Variants in STXBP5L observed in about 807,000 individuals in gnomAD.
The protein encoded by STXBP5L is syntaxin-binding protein 5-like.
In STXBP5L, 65 loss-of-function variants were observed where a neutral mutation model predicts 144.5. The observed-to-expected ratio is 0.45, with a 90% confidence interval of 0.37 to 0.55. The LOEUF (loss-of-function observed/expected upper bound fraction) is 0.55. Among genes scored for constraint, STXBP5L ranks in the 20% least tolerant of loss-of-function variants. The pLI is 0.00. For missense variants in STXBP5L, 1,298 were observed against 1,405.5 expected (o/e 0.92, Z 1.22); for synonymous variants, 505 against 469.6 (o/e 1.08, Z -0.97).
chr3:120,922,876 A>G (rs1162213909), intron 2 of STXBP5L, among the ~76,000 whole-genome samples: 1 of 151,748 alleles, frequency 6.6e-6, no homozygotes, highest in Non-Finnish European at 1.5e-5. Flanking sequence ...GTCTCATAGG[A>G]TAAGTTTGGA....
intron 11 of STXBP5L, among the ~76,000 whole-genome samples, chr3:121,228,040 C>T (rs1359849724): frequency 6.6e-6 from 1 of 152,078 alleles, no homozygotes; most frequent in East Asian, 1.9e-4. Context: ...CTGGAGAGAC[C>T]TGCCAAAGAT....
intron 3 of STXBP5L, among the ~76,000 whole-genome samples, chr3:121,034,521 T>A (rs1448481991): frequency 6.6e-6 from 1 of 151,626 alleles, no homozygotes; most frequent in Non-Finnish European, 1.5e-5. Flanking sequence ...TGTACCTATA[T>A]CATCTATCTA....
At chr3:120,929,589 G>A (rs1339713553) in intron 2 of STXBP5L, among the ~76,000 whole-genome samples, 4 of 151,586 alleles carry the variant, frequency 2.6e-5, no homozygotes, top group East Asian at 1.9e-4. Flanking sequence ...ATGCTTTTAC[G>A]AACATCTGTG....
At chr3:121,256,229 A>C (rs1048816698) in intron 16 of STXBP5L, among the ~76,000 whole-genome samples, 2 of 152,080 alleles carry the variant, frequency 1.3e-5, no homozygotes, top group African/African-American at 4.8e-5. Context: ...TTACTGTAGT[A>C]AGCACTCAAT....
chr3:121,025,015 G>A (rs912680512), intron 3 of STXBP5L, among the ~76,000 whole-genome samples: 1 of 152,026 alleles, frequency 6.6e-6, no homozygotes, highest in East Asian at 1.9e-4. Flanking sequence ...AAAACTAGGT[G>A]GCAAATATTC....
chr3:121,357,777 A>G (rs900929341), intron 20 of STXBP5L: 1 of 152,196 alleles, frequency 6.6e-6, no homozygotes, highest in African/African-American at 2.4e-5. Flanking sequence ...TAGTCTCCAA[A>G]CTAGATATTC....
chr3:121,093,579 G>A (rs780327721), intron 5 of STXBP5L, among the ~76,000 whole-genome samples: 25 of 152,040 alleles, frequency 1.6e-4, no homozygotes, highest in African/African-American at 5.6e-4. Context: ...TGTAGTATTC[G>A]CTGATGGTAG....
chr3:121,185,465 A>C (rs1049002481), intron 9 of STXBP5L, among the ~76,000 whole-genome samples: 2 of 152,242 alleles, frequency 1.3e-5, no homozygotes, highest in Non-Finnish European at 2.9e-5. Flanking sequence ...ATCTTGAATT[A>C]ATTTTTGTAT....
At chr3:121,031,042 C>A (rs1946332782) in intron 3 of STXBP5L, among the ~76,000 whole-genome samples, 1 of 152,028 alleles carries the variant, frequency 6.6e-6, no homozygotes, top group Admixed American at 6.6e-5. Flanking sequence ...TCTCTTCTCC[C>A]ACTGTATCTT....
At chr3:120,928,830 T>C (rs529166071) in intron 2 of STXBP5L, among the ~76,000 whole-genome samples, 3 of 152,156 alleles carry the variant, frequency 2.0e-5, no homozygotes, top group Non-Finnish European at 4.4e-5. Context: ...TATTGATTTT[T>C]TTGGGTGCAT....
rs1001814755 is a variant in STXBP5L, at chr3:121,257,417, C to G, written c.1832+84C>G. On this transcript the variant is annotated intron_variant, in intron 17 of 26. Coordinates refer to ENST00000471454, the MANE Select transcript of STXBP5L (RefSeq NM_001308330.2). ...CTGTGACAAATGAAATTAATTTTCT[C>G]TTATTATCAAGCTATTGTCAGGTGA... 3.2e-5 allele frequency: 41 copies of G among 1,293,684 alleles called. No individual in the cohort carries two copies. In the East Asian group the frequency reaches 9.6e-4, roughly 30 times the overall value. The allele number at this position is 1,293,684 out of a possible 1,614,324, so 80.1% of individuals were successfully genotyped here. A position where few individuals can be genotyped will look rare whatever the true frequency, so the allele number is the denominator to read the frequency against.
chr3:121,234,734 A>G (rs1232796276), intron 12 of STXBP5L, among the ~76,000 whole-genome samples: 1 of 152,122 alleles, frequency 6.6e-6, no homozygotes, highest in Admixed American at 6.5e-5. Flanking sequence ...GATTTGGGCC[A>G]TTAAATCATC....
chr3:121,254,717 C>T (rs1186270846), intron 15 of STXBP5L, among the ~76,000 whole-genome samples, 178 bp from the exon 16 acceptor site: 2 of 152,102 alleles, frequency 1.3e-5, no homozygotes, highest in Non-Finnish European at 2.9e-5. Flanking sequence ...CCTGTAGTCT[C>T]CCTCTAGCTG....
chr3:121,071,387 C>G (rs2041805615), intron 5 of STXBP5L, among the ~76,000 whole-genome samples: 1 of 152,184 alleles, frequency 6.6e-6, no homozygotes, highest in South Asian at 2.1e-4. Flanking sequence ...TCAGTGTTTC[C>G]TCAAGCTTCA....
intron 5 of STXBP5L, among the ~76,000 whole-genome samples, chr3:121,047,241 T>A (rs1035435225): frequency 2.0e-5 from 3 of 152,206 alleles, no homozygotes; most frequent in Admixed American, 2.0e-4. Context: ...TCATTTTTTT[T>A]AGATTTTCTG....
chr3:121,346,371 T>A (rs2044982561), intron 20 of STXBP5L, among the ~76,000 whole-genome samples: 1 of 152,038 alleles, frequency 6.6e-6, no homozygotes, highest in Non-Finnish European at 1.5e-5. Context: ...TTGGGGTTGG[T>A]TCCAAGTCTT....
At chr3:120,982,523 T>C (rs971757754) in intron 3 of STXBP5L, among the ~76,000 whole-genome samples, 3 of 152,158 alleles carry the variant, frequency 2.0e-5, no homozygotes, top group Admixed American at 2.0e-4. Context: ...TGACTCTCAG[T>C]TTAGTCAGAC....
intron 9 of STXBP5L, among the ~76,000 whole-genome samples, chr3:121,168,944 G>A (rs74929886): frequency 0.015 from 2,267 of 152,238 alleles, 63 homozygotes; most frequent in African/African-American, 0.052. Context: ...AGGGAGAAAG[G>A]TCAGGTTACC....
chr3:121,216,400 T>C (rs2048778102), intron 10 of STXBP5L, among the ~76,000 whole-genome samples: 2 of 152,222 alleles, frequency 1.3e-5, no homozygotes, highest in South Asian at 2.1e-4. Context: ...TTGATGCTAT[T>C]CCTTTCTGTT....
Sources: allele counts gnomAD v4.1 joint callset (sites outside exome capture counted in the v4.1 genomes callset), GRCh38; gene constraint gnomAD v4.1.1; transcripts MANE v1.5; gene names NCBI Gene and HGNC (gene_info 2026-07-23, HGNC 2026-07-21).